Variants in HSPH1 observed in about 807,000 individuals in gnomAD.
HSPH1 encodes the protein heat shock protein family H (Hsp110) member 1.
HSPH1 carries 40 observed loss-of-function variants against 100.0 expected under a neutral mutation model. That is an observed-to-expected ratio of 0.40 (90% CI 0.31 to 0.52). The LOEUF (loss-of-function observed/expected upper bound fraction) is 0.52, where lower values mean the gene tolerates loss of function less well. Among genes scored for constraint, HSPH1 ranks in the 20% least tolerant of loss-of-function variants. The pLI, the probability that HSPH1 is intolerant of heterozygous loss-of-function variation, is 0.54. For missense variants in HSPH1, 876 were observed against 1,015.1 expected (o/e 0.86, Z 1.86); for synonymous variants, 403 against 344.0 (o/e 1.17, Z -1.90).
intron 14 of HSPH1, among the ~76,000 whole-genome samples, chr13:31,139,953 A>C (rs1215484407): frequency 1.3e-5 from 2 of 152,072 alleles, no homozygotes; most frequent in African/African-American, 4.8e-5. Flanking sequence ...GACTCTACAT[A>C]AATATTTGAT....
chr13:31,140,027 T>C (rs1956031668), intron 14 of HSPH1, among the ~76,000 whole-genome samples, 157 bp downstream of exon 14: 1 of 152,080 alleles, frequency 6.6e-6, no homozygotes, highest in Admixed American at 6.6e-5. Flanking sequence ...AAAATAAAAC[T>C]GCTCATCAGC....
chr13:31,140,399 A>G (rs911772441), intron 13 of HSPH1, 90 bp from the exon 14 acceptor site: 2 of 1,263,984 alleles, frequency 1.6e-6, no homozygotes, highest in African/African-American at 1.5e-5. Flanking sequence ...AAAAAAAATG[A>G]TACAAAACAA....
At position 31,149,991 on chromosome 13, in the gene HSPH1, T is replaced by C. The variant is rs1368788241; in HGVS notation, c.1100A>G (p.Asn367Ser). 6.2e-7 allele frequency: 1 copy of C among 1,613,766 alleles called. No homozygotes were observed. The highest frequency in any genetic ancestry group is 8.5e-7 in the Non-Finnish European group (1 of 1,179,740). ...TCCTCTGGCTACTGCTTCATCTGCATTGAGTGTTGTGCTAATATCTTTTCC... is the reference window on the plus strand; with the variant it reads ...TCCTCTGGCTACTGCTTCATCTGCACTGAGTGTTGTGCTAATATCTTTTCC... ...FFGKDISTTLNADEAVARGCA... is the reference protein window; with the variant it reads ...FFGKDISTTLSADEAVARGCA... Residue 367 changes from asparagine (N) to serine (S), a missense_variant, in exon 8 of 18, where the codon AAT becomes AGT. Asn to Ser is a conservative substitution (Grantham distance 46). Transcript: ENST00000320027.
At chr13:31,139,543 T>G (rs1367686293) in intron 14 of HSPH1, among the ~76,000 whole-genome samples, 1 of 152,048 alleles carries the variant, frequency 6.6e-6, no homozygotes, top group Non-Finnish European at 1.5e-5. Context: ...GATCCCACCA[T>G]AAGAAACTCA....
chr13:31,138,701 T>C (rs1367432839), intron 16 of HSPH1, 80 bp downstream of exon 16: 1 of 1,543,754 alleles, frequency 6.5e-7, no homozygotes. Context: ...TTAAGACTAT[T>C]CATGATGATT....
intron 1 of HSPH1, among the ~76,000 whole-genome samples, chr13:31,159,249 T>TA (rs1392454410): frequency 6.6e-6 from 1 of 152,232 alleles, no homozygotes; most frequent in Non-Finnish European, 1.5e-5. Context: ...TGTACAAATC[T>TA]AAATGTCATT....
At chr13:31,144,335 T>C (rs907051469) in intron 11 of HSPH1, among the ~76,000 whole-genome samples, 2 of 152,104 alleles carry the variant, frequency 1.3e-5, no homozygotes, top group African/African-American at 4.8e-5. Flanking sequence ...TCTCAACATA[T>C]CTCCATTTCA....
chr13:31,154,760 A>G lies in HSPH1; in HGVS notation c.307-5T>C. 1 of 1,610,360 alleles carries G rather than the reference A, an allele frequency of 6.2e-7. No individual in the cohort carries two copies. The highest frequency in any genetic ancestry group is 8.5e-7 in the Non-Finnish European group (1 of 1,177,550). On this transcript the variant is annotated splice_polypyrimidine_tract_variant and splice_region_variant and intron_variant, in intron 3 of 17. Coordinates refer to ENST00000320027, the MANE Select transcript of HSPH1 (RefSeq NM_006644.4). Reference sequence around the variant, plus strand: ...TTCTTCACCCATGTACATTACCTATATTGAAGGGAAAAAATGTTTTAAACA... The same window carrying G: ...TTCTTCACCCATGTACATTACCTATGTTGAAGGGAAAAAATGTTTTAAACA...
chr13:31,161,847 T>A lies in HSPH1; in HGVS notation c.-265A>T. On this transcript the variant is annotated 5_prime_UTR_variant, in exon 1 of 18. Transcript: ENST00000320027. ...TCCGCAGGTCGCTCCGCACCTCGGG[T>A]TGCCTGCCTCACTCTGCCGCGGCTC... 9 of 1,479,036 alleles carry A rather than the reference T, an allele frequency of 6.1e-6. No individual in the cohort carries two copies. The highest frequency in any genetic ancestry group is 8.1e-6 in the Non-Finnish European group (9 of 1,116,938). The allele number at this position is 1,479,036 out of a possible 1,614,324, so 91.6% of individuals were successfully genotyped here.
chr13:31,154,822 C>T (rs1261339854), intron 3 of HSPH1, 67 bp from the exon 4 acceptor site: 3 of 1,381,956 alleles, frequency 2.2e-6, no homozygotes, highest in East Asian at 2.3e-5. Flanking sequence ...TATTTAACTT[C>T]CAAAAATTAG....
Position 31,155,588 on chromosome 13 carries a change from G to T in HSPH1, c.232C>A (p.Pro78Thr). The T allele has an allele frequency of 1.9e-6, 3 of 1,609,768 alleles. No homozygotes were observed. The highest frequency in any genetic ancestry group is 2.5e-6 in the Non-Finnish European group (3 of 1,176,528). Residue 78 changes from proline to threonine, a missense_variant, in exon 3 of 18, where the codon CCC (proline) becomes ACC (threonine). By Grantham distance (38) the Pro-to-Thr change is conservative. Coordinates refer to ENST00000320027, the MANE Select transcript of HSPH1 (RefSeq NM_006644.4). ...TTTTCCTTCTCCTTTTGAATGAAGG[G>T]GTCATTGAATGCTCGGCCATGAAAT... ...KRFHGRAFNDPFIQKEKENLS... is the reference protein window; with the variant it reads ...KRFHGRAFNDTFIQKEKENLS...
In HSPH1 at chr13:31,148,028, T is replaced by C; in HGVS notation, c.1309A>G (p.Arg437Gly). 1 of 1,611,336 alleles carries C rather than the reference T, an allele frequency of 6.2e-7. No individual in the cohort carries two copies. The change falls in exon 10 of 18, where the codon AGG becomes GGG. Residue 437 changes from arginine to glycine, a missense_variant. By Grantham distance (125) the Arg-to-Gly change is moderately radical. Coordinates refer to ENST00000320027, the MANE Select transcript of HSPH1 (RefSeq NM_006644.4). Reference sequence around the variant, plus strand: ...AAAGCTTCTAGCTCAAAAGGCCCCCTTCTCAGAAAGGTGAGAACTTTGGAG... The same window carrying C: ...AAAGCTTCTAGCTCAAAAGGCCCCCCTCTCAGAAAGGTGAGAACTTTGGAG... ...PFSKVLTFLR[R>G]GPFELEAFYS...
At chr13:31,157,932 C>T (rs1466794803) in intron 2 of HSPH1, among the ~76,000 whole-genome samples, 1 of 81,784 alleles carries the variant, frequency 1.2e-5, no homozygotes, top group Non-Finnish European at 2.5e-5. Context: ...CCGTACTTTA[C>T]TTTTCAATTC....
At chr13:31,139,856 C>T (rs1176688403) in intron 14 of HSPH1, among the ~76,000 whole-genome samples, 2 of 151,944 alleles carry the variant, frequency 1.3e-5, no homozygotes, top group African/African-American at 4.8e-5. Context: ...GGAACGCTAC[C>T]AAGGCAGCAG....
chr13:31,140,370 T>C (rs765420089), intron 13 of HSPH1, 61 bp from the exon 14 acceptor site: 696 of 1,514,124 alleles, frequency 4.6e-4, no homozygotes, highest in Non-Finnish European at 6.0e-4. Context: ...AAATTCTAAA[T>C]ATGTAGACTC....
chr13:31,140,784 T>C (rs12871307), intron 13 of HSPH1: 68,514 of 182,464 alleles, frequency 0.38, 14,249 homozygotes, highest in Non-Finnish European at 0.47. Flanking sequence ...ATTTCACATA[T>C]TATTCTAGAA....
chr13:31,155,665 A>T lies in HSPH1; in HGVS notation c.166-11T>A, dbSNP rs762633148. On this transcript the variant is annotated splice_polypyrimidine_tract_variant and intron_variant, in intron 2 of 17. Coordinates refer to ENST00000320027, the MANE Select transcript of HSPH1 (RefSeq NM_006644.4). The stretch of plus-strand genomic sequence containing the variant: ...TGCATGAGTGATTTGCTGCAAAAAG[A>T]AGTTTGAGATTTTAATTTTTTTCTT... 5.7e-6 allele frequency: 9 copies of T among 1,569,780 alleles called. No homozygotes were observed. Among genetic ancestry groups the T allele is most frequent in the South Asian group, 2.4e-5 (2 of 83,362 alleles).
At position 31,141,275 on chromosome 13, in the gene HSPH1, A is replaced by T; in HGVS notation, c.1717-16T>A. ...TTTCATTTGCCTTGGGAAGAGGAAT[A>T]AAAAAAGGAAAAAATTTTAAACAAC... On this transcript the variant is annotated splice_polypyrimidine_tract_variant and intron_variant, in intron 12 of 17. Transcript: ENST00000320027. 6.4e-7 allele frequency: 1 copy of T among 1,566,304 alleles called. No individual in the cohort carries two copies. The highest frequency in any genetic ancestry group is 8.6e-7 in the Non-Finnish European group (1 of 1,160,660).
Position 31,137,615 on chromosome 13 carries a change from C to T in HSPH1, c.2371-91G>A, listed in dbSNP as rs146514981. ...TCCACATACTCAACCCACTATTTTT[C>T]TACCAACTCCAATTACACATAAAAT... On this transcript the variant is annotated intron_variant, in intron 17 of 17. Coordinates refer to ENST00000320027, the MANE Select transcript of HSPH1 (RefSeq NM_006644.4). 2.3e-4 allele frequency: 200 copies of T among 863,962 alleles called. 2 individuals carry two copies. The African/African-American group carries it at 2.5e-3, about 11-fold the overall frequency. The allele number at this position is 863,962 out of a possible 1,614,324, so 53.5% of individuals were successfully genotyped here.
Sources: gnomAD v4.1 joint callset for allele counts (sites outside exome capture counted in the v4.1 genomes callset) on GRCh38, gnomAD v4.1.1 for gene constraint, MANE v1.5 for transcripts, NCBI Gene and HGNC (gene_info 2026-07-23, HGNC 2026-07-21) for gene names.